Variants in OSMR observed in about 807,000 individuals in gnomAD.
OSMR encodes the protein oncostatin M receptor.
In OSMR, 81 loss-of-function variants were observed where a neutral mutation model predicts 99.9. That is an observed-to-expected ratio of 0.81 (90% confidence interval 0.68 to 0.97). OSMR has a LOEUF of 0.97. OSMR is among the 50% of genes least tolerant of loss of function. The probability of loss-of-function intolerance (pLI) is 0.00; values close to 1 mark genes in which losing one functional copy is unlikely to be tolerated. For synonymous variants in OSMR, 406 were observed against 410.4 expected (o/e 0.99, Z 0.13); for missense variants, 1,099 against 1,153.4 (o/e 0.95, Z 0.68).
intron 7 of OSMR, among the ~76,000 whole-genome samples, chr5:38,896,150 T>C (rs1744504714): frequency 6.6e-6 from 1 of 152,096 alleles, no homozygotes; most frequent in Admixed American, 6.5e-5. Context: ...TGGTTCCATA[T>C]ACATTTTAGG....
downstream of OSMR, among the ~76,000 whole-genome samples, chr5:38,936,633 A>G (rs1747057473): frequency 6.6e-6 from 1 of 152,236 alleles, no homozygotes; most frequent in Non-Finnish European, 1.5e-5. Flanking sequence ...ACTTAATAAT[A>G]TCTTCTTATT....
intron 7 of OSMR, among the ~76,000 whole-genome samples, chr5:38,897,074 G>T (rs1008402159): frequency 2.0e-5 from 3 of 151,910 alleles, no homozygotes; most frequent in Non-Finnish European, 4.4e-5. Context: ...GAGGATTTTT[G>T]TATCAATATT....
chr5:38,924,870 C>G (rs891571683), intron 14 of OSMR, among the ~76,000 whole-genome samples: 2 of 139,434 alleles, frequency 1.4e-5, no homozygotes, highest in East Asian at 4.4e-4. Context: ...CTTTATGAAA[C>G]TTTCCTCTTT....
intron 1 of OSMR, among the ~76,000 whole-genome samples, chr5:38,862,124 G>T (rs865864436): frequency 1.6e-5 from 2 of 125,818 alleles, no homozygotes; most frequent in Admixed American, 7.5e-5. Context: ...CCTCCCGGAC[G>T]GGGCGGCTGG....
intron 7 of OSMR, among the ~76,000 whole-genome samples, chr5:38,900,888 A>G (rs1744846877): frequency 6.6e-6 from 1 of 152,086 alleles, no homozygotes; most frequent in Non-Finnish European, 1.5e-5. Context: ...ACCTGGCTCC[A>G]TTTTCAGGAT....
exon 3 of OSMR, chr5:38,945,111 C>CT (rs1220313202): frequency 5.8e-6 from 8 of 1,368,040 alleles, no homozygotes; most frequent in Non-Finnish European, 8.2e-6. Context: ...ACCATAACGG[C>CT]TTAATTCCTG....
chr5:38,925,170 T>C (rs751134560), intron 14 of OSMR, 34 bp from the exon 15 acceptor site: 10 of 1,612,850 alleles, frequency 6.2e-6, no homozygotes, highest in Non-Finnish European at 8.5e-6. Context: ...AATCTTTTTT[T>C]TCCTTGAAAA....
chr5:38,879,889 T>TTTGGGAG (rs1286551947), intron 3 of OSMR, among the ~76,000 whole-genome samples: 220 of 152,284 alleles, frequency 1.4e-3, no homozygotes, highest in African/African-American at 4.9e-3. Context: ...CCCAAAGTCC[T>TTTGGGAG]GGGATATTTG....
intron 1 of OSMR, among the ~76,000 whole-genome samples, chr5:38,854,033 C>T (rs1473490569): frequency 6.7e-6 from 1 of 149,892 alleles, no homozygotes; most frequent in African/African-American, 2.5e-5. Context: ...ATATAACTGG[C>T]AGTACTCTTA....
Position 38,934,687 on chromosome 5 carries a change from T to TAGAG in OSMR, c.*1245_*1248dup, listed in dbSNP as rs1746935328. ...ACCTGACTAGTTTTTATATTTTTAGTAGAGATTGGGTTTTACCATATTGGC... is the reference window on the plus strand; with the variant it reads ...ACCTGACTAGTTTTTATATTTTTAGTAGAGAGAGATTGGGTTTTACCATATTGGC... On this transcript the variant is annotated 3_prime_UTR_variant, in exon 18 of 18. Coordinates refer to ENST00000274276, the MANE Select transcript of OSMR (RefSeq NM_003999.3). 1 of 152,012 alleles carries TAGAG rather than the reference T, an allele frequency of 6.6e-6. No individual in the cohort carries two copies. The highest frequency in any genetic ancestry group is 1.5e-5 in the Non-Finnish European group (1 of 68,018). The allele number at this position is 152,012 out of a possible 1,614,324, so 9.4% of individuals were successfully genotyped here.
At chr5:38,861,783 G>A (rs1741361513) in intron 1 of OSMR, among the ~76,000 whole-genome samples, 2 of 150,986 alleles carry the variant, frequency 1.3e-5, no homozygotes, top group Non-Finnish European at 3.0e-5. Flanking sequence ...GGGGCGGCTG[G>A]CCGGGCAGAG....
At chr5:38,848,793 T>A (rs181544) in intron 1 of OSMR, among the ~76,000 whole-genome samples, 29,939 of 152,076 alleles carry the variant, frequency 0.2, 3,074 homozygotes, top group African/African-American at 0.24. Flanking sequence ...TGTGTGTGTG[T>A]GAGATGGTCT....
intron 1 of OSMR, among the ~76,000 whole-genome samples, chr5:38,859,441 C>G (rs1438179796): frequency 6.6e-6 from 1 of 152,108 alleles, no homozygotes; most frequent in African/African-American, 2.4e-5. Flanking sequence ...GTTCTCTAAT[C>G]TCATAAATTG....
In OSMR at chr5:38,857,663, C is replaced by G. The variant is rs1392720571; in HGVS notation, c.-14+11276C>G. On this transcript the variant is annotated intron_variant, in intron 1 of 17. Transcript: ENST00000274276. ...ATTTAAAACTCTCTCTTCTAGCTATCTTTTTATTTTTATTTTTTTCTTGAG... is the reference window on the plus strand; with the variant it reads ...ATTTAAAACTCTCTCTTCTAGCTATGTTTTTATTTTTATTTTTTTCTTGAG... 1.3e-5 allele frequency among the ~76,000 whole-genome samples: 2 copies of G among 151,684 alleles called. 1 individual carries two copies. The highest frequency in any genetic ancestry group is 4.8e-5 in the African/African-American group (2 of 41,300).
intron 11 of OSMR, chr5:38,919,583 A>AG (rs1746128502): frequency 6.4e-6 from 2 of 311,654 alleles, no homozygotes; most frequent in Admixed American, 9.5e-5. Flanking sequence ...AGAGCAAACA[A>AG]GGTGGAATGC....
At chr5:38,861,825 G>A (rs1267220744) in intron 1 of OSMR, among the ~76,000 whole-genome samples, 13 of 147,378 alleles carry the variant, frequency 8.8e-5, no homozygotes, top group Non-Finnish European at 1.7e-4. Flanking sequence ...GGGCGGCTGG[G>A]CAGAGGCGCC....
intron 3 of OSMR, among the ~76,000 whole-genome samples, chr5:38,880,410 G>A (rs1291868342): frequency 6.6e-6 from 1 of 152,172 alleles, no homozygotes; most frequent in Non-Finnish European, 1.5e-5. Context: ...GCACACTGAG[G>A]AGAAAGCATG....
Position 38,886,035 on chromosome 5 carries a change from A to G in OSMR, c.840-4A>G. Reference sequence around the variant, plus strand: ...GGTTGTGTTATTTTGTTTTGTTTTTAAAGATTTTCTGGGGAAAAGAAACTT... The same window carrying G: ...GGTTGTGTTATTTTGTTTTGTTTTTGAAGATTTTCTGGGGAAAAGAAACTT... On this transcript the variant is annotated splice_region_variant and splice_polypyrimidine_tract_variant and intron_variant, in intron 6 of 17. Transcript: ENST00000274276. 1 of 1,612,976 alleles carries G rather than the reference A, an allele frequency of 6.2e-7. No homozygotes were observed. The highest frequency in any genetic ancestry group is 8.5e-7 in the Non-Finnish European group (1 of 1,179,798).
At chr5:38,917,440 A>G in intron 9 of OSMR, 106 bp from the exon 10 acceptor site, 5 of 1,528,618 alleles carry the variant, frequency 3.3e-6, no homozygotes, top group Non-Finnish European at 4.4e-6. Context: ...GGCAAGCCTC[A>G]GGTTGGACAG....
Sources: allele counts gnomAD v4.1 joint callset (sites outside exome capture counted in the v4.1 genomes callset), GRCh38; gene constraint gnomAD v4.1.1; transcripts MANE v1.5; gene names NCBI Gene and HGNC (gene_info 2026-07-23, HGNC 2026-07-21).